SGIP1: variants seen among roughly 807,000 people sequenced by gnomAD.
SGIP1 encodes SH3GL interacting endocytic adaptor 1.
Under a neutral mutation model 107.5 loss-of-function variants are expected in SGIP1, and 38 were observed. The ratio of observed to expected loss-of-function variants is 0.35; its 90% CI spans 0.27 to 0.46. The LOEUF is 0.46. Ranked by LOEUF, SGIP1 falls within the 20% of genes least tolerant of loss-of-function variation. The pLI, the probability that SGIP1 is intolerant of heterozygous loss-of-function variation, is 1.00. For synonymous variants in SGIP1, 365 were observed against 366.1 expected (o/e 1.00, Z 0.03); for missense variants, 929 against 1,019.5 (o/e 0.91, Z 1.21).
At chr1:66,583,378 G>T (rs1003209558) in intron 1 of SGIP1, among the ~76,000 whole-genome samples, 5 of 151,982 alleles carry the variant, frequency 3.3e-5, no homozygotes, top group African/African-American at 4.8e-5. Flanking sequence ...GAGTCTTGGG[G>T]AGTAGGCCCC....
intron 17 of SGIP1, among the ~76,000 whole-genome samples, chr1:66,693,976 C>T (rs912981946): frequency 3.3e-5 from 5 of 152,232 alleles, no homozygotes; most frequent in African/African-American, 1.2e-4. Flanking sequence ...ATGTTAAAAG[C>T]ATCTACTTTC....
intron 17 of SGIP1, among the ~76,000 whole-genome samples, chr1:66,691,278 C>T (rs2089787746): frequency 6.6e-6 from 1 of 152,106 alleles, no homozygotes; most frequent in African/African-American, 2.4e-5. Context: ...GAGCAGTCTG[C>T]CCAGTTGCCT....
At chr1:66,727,200 A>G (rs1557771043) in intron 19 of SGIP1, among the ~76,000 whole-genome samples, 7 of 152,264 alleles carry the variant, frequency 4.6e-5, no homozygotes, top group Admixed American at 4.6e-4. Flanking sequence ...CCCAGAATGT[A>G]TAAAGAAACC....
chr1:66,690,393 C>T, intron 17 of SGIP1, 77 bp downstream of exon 17: 1 of 1,565,590 alleles, frequency 6.4e-7, no homozygotes, highest in Non-Finnish European at 8.7e-7. Flanking sequence ...TCCCCAAGGC[C>T]CTGTGTTTCT....
chr1:66,562,833 G>T (rs189757384), intron 1 of SGIP1, among the ~76,000 whole-genome samples: 2 of 152,166 alleles, frequency 1.3e-5, no homozygotes, highest in Non-Finnish European at 2.9e-5. Context: ...CTGGAACAAG[G>T]TGATGCACAG....
chr1:66,590,832 C>G (rs931743125), intron 1 of SGIP1, among the ~76,000 whole-genome samples: 2 of 150,554 alleles, frequency 1.3e-5, no homozygotes, highest in African/African-American at 2.4e-5. Flanking sequence ...TGATCTGCCC[C>G]CCTCAACCTT....
At chr1:66,597,351 A>G (rs2064906654) in intron 1 of SGIP1, among the ~76,000 whole-genome samples, 1 of 152,230 alleles carries the variant, frequency 6.6e-6, no homozygotes, top group Non-Finnish European at 1.5e-5. Flanking sequence ...CCAACATTCT[A>G]TTAGCCTGAG....
intron 21 of SGIP1, among the ~76,000 whole-genome samples, chr1:66,739,068 C>T (rs1315099931): frequency 6.6e-6 from 1 of 152,102 alleles, no homozygotes; most frequent in Non-Finnish European, 1.5e-5. Context: ...TTCCTGGCCT[C>T]AGCTCCTGGC....
At chr1:66,643,842 G>A (rs1178767761) in intron 7 of SGIP1, 123 bp downstream of exon 7, 1 of 810,206 alleles carries the variant, frequency 1.2e-6, no homozygotes, top group African/African-American at 1.8e-5. Context: ...ACCATATCAT[G>A]AATTCTATAA....
intron 1 of SGIP1, among the ~76,000 whole-genome samples, chr1:66,570,186 C>A (rs577479495): frequency 1.7e-4 from 26 of 151,526 alleles, no homozygotes; most frequent in Middle Eastern, 3.4e-3. Flanking sequence ...TGGTTTTGTT[C>A]TATTATTATT....
intron 1 of SGIP1, among the ~76,000 whole-genome samples, chr1:66,580,556 C>A (rs2061678018): frequency 1.3e-5 from 2 of 152,132 alleles, no homozygotes; most frequent in Admixed American, 6.6e-5. Flanking sequence ...CATCATCTGT[C>A]TTTCCATATA....
chr1:66,704,604 G>A (rs2092326633), intron 18 of SGIP1: 1 of 152,198 alleles, frequency 6.6e-6, no homozygotes, highest in African/African-American at 2.4e-5. Flanking sequence ...TCTTTGGATG[G>A]TTCTGAGCCT....
chr1:66,587,904 T>C (rs542782889), intron 1 of SGIP1, among the ~76,000 whole-genome samples: 3 of 152,262 alleles, frequency 2.0e-5, no homozygotes, highest in African/African-American at 7.2e-5. Flanking sequence ...CTTCTCTCAA[T>C]AAAAGCATCT....
At chr1:66,536,034 G>A (rs545300967) in intron 1 of SGIP1, among the ~76,000 whole-genome samples, 4 of 152,298 alleles carry the variant, frequency 2.6e-5, no homozygotes, top group Admixed American at 1.3e-4. Context: ...AGGTTGTAAC[G>A]TTTTTTGATG....
At chr1:66,542,353 T>C (rs2055179620) in intron 1 of SGIP1, among the ~76,000 whole-genome samples, 3 of 152,222 alleles carry the variant, frequency 2.0e-5, no homozygotes, top group Admixed American at 6.5e-5. Flanking sequence ...ATGCGGTGTC[T>C]GTCTCAAAAT....
chr1:66,634,850 A>G (rs547923973), intron 3 of SGIP1, among the ~76,000 whole-genome samples: 7 of 152,266 alleles, frequency 4.6e-5, no homozygotes, highest in Non-Finnish European at 7.4e-5. Context: ...CACGTTTACT[A>G]TGGTCACTGA....
chr1:66,707,501 A>G (rs936837302), intron 18 of SGIP1, among the ~76,000 whole-genome samples: 3 of 152,194 alleles, frequency 2.0e-5, no homozygotes, highest in African/African-American at 7.2e-5. Context: ...GCTTTCCAGA[A>G]TTTACTTATA....
intron 3 of SGIP1, chr1:66,634,199 G>C (rs1186217158): frequency 1.3e-6 from 2 of 1,568,548 alleles, no homozygotes; most frequent in Admixed American, 3.5e-5. Flanking sequence ...TTTGCTTCCG[G>C]CTTGGTCCCC....
chr1:66,642,983 A>C, intron 6 of SGIP1, 119 bp downstream of exon 6: 1 of 852,390 alleles, frequency 1.2e-6, no homozygotes, highest in African/African-American at 1.7e-5. Context: ...GTTATCCCTA[A>C]TATTAGAGAT....
Sources: gnomAD v4.1 joint callset for allele counts (sites outside exome capture counted in the v4.1 genomes callset) on GRCh38, gnomAD v4.1.1 for gene constraint, MANE v1.5 for transcripts, NCBI Gene and HGNC (gene_info 2026-07-23, HGNC 2026-07-21) for gene names.